GPHN: variants seen among roughly 807,000 people sequenced by gnomAD.
GPHN encodes gephyrin.
A neutral mutation model predicts 95.5 loss-of-function variants in GPHN; 17 were observed. The observed-to-expected ratio is 0.18, with a 90% CI of 0.12 to 0.27. GPHN has a LOEUF of 0.27. GPHN is among the 10% of genes least tolerant of loss of function. GPHN has a pLI of 1.00. For missense variants in GPHN, 660 were observed against 978.1 expected, an observed-to-expected ratio of 0.67 and a Z score of 4.34; for synonymous variants, 320 against 322.5, an observed-to-expected ratio of 0.99 and a Z score of 0.08.
At chr14:67,005,567 T>C (rs1459407327) in intron 9 of GPHN, among the ~76,000 whole-genome samples, 1 of 151,916 alleles carries the variant, frequency 6.6e-6, no homozygotes, top group Non-Finnish European at 1.5e-5. Flanking sequence ...TTTATAAGTA[T>C]GCCTGATTTA....
intron 17 of GPHN, among the ~76,000 whole-genome samples, chr14:67,128,993 T>C (rs2079517171): frequency 6.6e-6 from 1 of 151,528 alleles, no homozygotes; most frequent in Non-Finnish European, 1.5e-5. Context: ...TTCGTATTTT[T>C]AGTAAAGACA....
At chr14:67,476,400 G>A in the GPHN span, among the ~76,000 whole-genome samples, 3 of 151,806 alleles carry the variant, frequency 2.0e-5, no homozygotes, top group East Asian at 2.0e-4. Context: ...CAACCTGGCC[G>A]ACATGGTGAA....
chr14:67,137,742 G>T (rs2080180665), intron 17 of GPHN, among the ~76,000 whole-genome samples: 1 of 152,080 alleles, frequency 6.6e-6, no homozygotes, highest in African/African-American at 2.4e-5. Flanking sequence ...TCCAGCCTGG[G>T]TGATAGAGTG....
intron 4 of GPHN, among the ~76,000 whole-genome samples, chr14:66,842,224 T>C (rs1422861566): frequency 1.3e-5 from 2 of 152,152 alleles, no homozygotes; most frequent in African/African-American, 2.4e-5. Flanking sequence ...TATTTACTGG[T>C]ATTACTATTT....
At chr14:66,796,161 A>G (rs2060150158) in intron 3 of GPHN, among the ~76,000 whole-genome samples, 1 of 152,116 alleles carries the variant, frequency 6.6e-6, no homozygotes, top group South Asian at 2.1e-4. Context: ...AAATGACTGA[A>G]TCTCATTCTT....
At chr14:66,684,658 G>C (rs138037730) in intron 2 of GPHN, among the ~76,000 whole-genome samples, 70 of 152,210 alleles carry the variant, frequency 4.6e-4, no homozygotes, top group South Asian at 3.9e-3. Flanking sequence ...GCTATTGTGT[G>C]AACATGGCAG....
intron 1 of GPHN, among the ~76,000 whole-genome samples, chr14:66,572,420 G>T (rs949520888): frequency 2.6e-5 from 4 of 151,768 alleles, no homozygotes; most frequent in Non-Finnish European, 5.9e-5. Context: ...AAATTTTTTT[G>T]TGTGCGTGTT....
the GPHN span, among the ~76,000 whole-genome samples, chr14:67,280,835 CCTT>C: frequency 7.4e-6 from 1 of 134,324 alleles, no homozygotes; most frequent in African/African-American, 3.1e-5. Context: ...TTCCTTCCTT[CCTT>C]CCTTCCTTCC....
chr14:67,725,483 C>T, the GPHN span, among the ~76,000 whole-genome samples: 6 of 152,200 alleles, frequency 3.9e-5, no homozygotes, highest in Non-Finnish European at 1.5e-5. Context: ...GAGGTGTTAG[C>T]TCCCTGTCTG....
At chr14:66,572,662 G>A (rs983198057) in intron 1 of GPHN, among the ~76,000 whole-genome samples, 1 of 147,680 alleles carries the variant, frequency 6.8e-6, no homozygotes, top group Non-Finnish European at 1.5e-5. Flanking sequence ...TTTTTTTTTT[G>A]TAGAGTTTAG....
At chr14:66,668,893 T>C (rs1670381992) in intron 1 of GPHN, among the ~76,000 whole-genome samples, 1 of 151,678 alleles carries the variant, frequency 6.6e-6, no homozygotes, top group African/African-American at 2.4e-5. Flanking sequence ...TTTTTTTTCT[T>C]TTTTTGAGAC....
the GPHN span, among the ~76,000 whole-genome samples, chr14:67,536,814 A>G: frequency 6.6e-6 from 1 of 151,872 alleles, no homozygotes; most frequent in Non-Finnish European, 1.5e-5. Flanking sequence ...AGGCCAAGGC[A>G]GGTGGATCAC....
chr14:67,195,907 T>C, the GPHN span, among the ~76,000 whole-genome samples: 1 of 152,212 alleles, frequency 6.6e-6, no homozygotes, highest in East Asian at 1.9e-4. Flanking sequence ...GAGAGGCCTT[T>C]AGAAGTAGCT....
chr14:67,445,574 A>ATTTTTT, the GPHN span, among the ~76,000 whole-genome samples: 1 of 98,674 alleles, frequency 1.0e-5, no homozygotes, highest in African/African-American at 4.6e-5. Flanking sequence ...AAGAGAGGCA[A>ATTTTTT]TTCTTTTTTT....
intron 22 of GPHN, 86 bp downstream of exon 22, chr14:67,179,760 A>G (rs1595517498): frequency 1.3e-6 from 1 of 786,034 alleles, no homozygotes; most frequent in Non-Finnish European, 2.3e-6. Context: ...GTTATGACTG[A>G]TTTTGTAATT....
chr14:66,715,980 A>G (rs945761121), intron 2 of GPHN, among the ~76,000 whole-genome samples: 6 of 151,840 alleles, frequency 4.0e-5, no homozygotes, highest in African/African-American at 1.2e-4. Context: ...GGAATGTTCT[A>G]TATATCTATA....
At chr14:66,799,347 A>G (rs777947856) in intron 3 of GPHN, among the ~76,000 whole-genome samples, 15 of 152,130 alleles carry the variant, frequency 9.9e-5, no homozygotes, top group Middle Eastern at 3.4e-3. Flanking sequence ...TCTATACTGC[A>G]GACCAAATCT....
chr14:66,602,799 G>A (rs1459654467), intron 1 of GPHN, among the ~76,000 whole-genome samples: 1 of 151,816 alleles, frequency 6.6e-6, no homozygotes, highest in Non-Finnish European at 1.5e-5. Flanking sequence ...AAGGAGGGGG[G>A]TGGAAGATGA....
intron 9 of GPHN, among the ~76,000 whole-genome samples, chr14:66,991,487 A>G (rs1594751743): frequency 6.6e-6 from 1 of 152,150 alleles, no homozygotes; most frequent in Admixed American, 6.5e-5. Flanking sequence ...AAGGCAGGGG[A>G]CGGTGGCTCA....
Sources: gnomAD v4.1 joint callset for allele counts (sites outside exome capture counted in the v4.1 genomes callset) on GRCh38, gnomAD v4.1.1 for gene constraint, MANE v1.5 for transcripts, NCBI Gene and HGNC (gene_info 2026-07-23, HGNC 2026-07-21) for gene names.